NXT2: variants seen among roughly 807,000 people sequenced by gnomAD.
NXT2 encodes nuclear transport factor 2 like export factor 2.
NXT2 carries 1 observed loss-of-function variant against 9.6 expected under a neutral mutation model. That is an observed-to-expected ratio of 0.10 (90% confidence interval 0.04 to 0.49). The LOEUF is 0.49. NXT2 is among the 20% of genes least tolerant of loss of function. The pLI is 0.95. For synonymous variants in NXT2, 22 were observed against 35.4 expected (o/e 0.62, Z 1.34); for missense variants, 48 against 100.3 (o/e 0.48, Z 2.23).
chrX:109,538,186 C>A, intron 2 of NXT2, 55 bp downstream of exon 2: 1 of 765,327 alleles, frequency 1.3e-6, no homozygotes, highest in Non-Finnish European at 1.9e-6. Context: ...TATTAAATAC[C>A]AGGTTGTGTC....
At position 109,542,819 on chromosome X, in the gene NXT2, C is replaced by T; in HGVS notation, c.*131C>T. Reference sequence around the variant, plus strand: ...CTTTAATATTTTCTATTCCTGTCAGCACCTTTTCTAGCAGCTGCCAGTTTG... The same window carrying T: ...CTTTAATATTTTCTATTCCTGTCAGTACCTTTTCTAGCAGCTGCCAGTTTG... On this transcript the variant is annotated 3_prime_UTR_variant, in exon 4 of 4. Coordinates refer to ENST00000372106, the MANE Select transcript of NXT2 (RefSeq NM_001242617.2). 1 of 513,185 alleles carries T rather than the reference C, an allele frequency of 1.9e-6. No homozygotes were observed. Among genetic ancestry groups the T allele is most frequent in the Non-Finnish European group, 3.0e-6 (1 of 329,600 alleles). 42.3% of individuals were successfully genotyped at this position (513,185 alleles called of 1,213,427 possible).
chrX:109,536,977 C>T lies in NXT2; in HGVS notation c.-30C>T. The T allele has an allele frequency of 8.3e-7, 1 of 1,211,980 alleles. No homozygotes were observed. Among genetic ancestry groups the T allele is most frequent in the Non-Finnish European group, 1.1e-6 (1 of 895,521 alleles). On this transcript the variant is annotated 5_prime_UTR_variant, in exon 1 of 4. Coordinates refer to ENST00000372106, the MANE Select transcript of NXT2 (RefSeq NM_001242617.2). Reference sequence around the variant, plus strand: ...ACGTGAGGAGGTAGTGACGCCGACACTGCCAGAACACACTGCTACAAGGTC... The same window carrying T: ...ACGTGAGGAGGTAGTGACGCCGACATTGCCAGAACACACTGCTACAAGGTC...
At chrX:109,541,331 T>G in intron 2 of NXT2, 144 bp from the exon 3 acceptor site, 3 of 437,590 alleles carry the variant, frequency 6.9e-6, no homozygotes, top group Non-Finnish European at 7.7e-6. Context: ...GGGTTTCCAG[T>G]GGAGATGGAG....
intron 1 of NXT2, 78 bp downstream of exon 1, chrX:109,537,099 C>T: frequency 1.7e-6 from 2 of 1,147,093 alleles, no homozygotes; most frequent in Non-Finnish European, 2.3e-6. Context: ...GGCGGTCTGG[C>T]TGCTGCTCAC....
In NXT2 at chrX:109,542,936, G is replaced by C; in HGVS notation, c.*248G>C. 1 of 224,576 alleles carries C rather than the reference G, an allele frequency of 4.5e-6. No individual in the cohort carries two copies. The highest frequency in any genetic ancestry group is 8.0e-6 in the Non-Finnish European group (1 of 125,210). The allele number at this position is 224,576 out of a possible 1,213,427, so 18.5% of individuals were successfully genotyped here. On this transcript the variant is annotated 3_prime_UTR_variant, in exon 4 of 4. Coordinates refer to ENST00000372106, the MANE Select transcript of NXT2 (RefSeq NM_001242617.2). ...ATTCTTATAATAATATTAAACACAT[G>C]ATCTTGGTACTAACATACTCACTGT...
intron 1 of NXT2, 123 bp from the exon 2 acceptor site, chrX:109,537,922 G>A (rs1933321848): frequency 1.2e-5 from 5 of 410,366 alleles, no homozygotes; most frequent in African/African-American, 5.0e-5. Flanking sequence ...TTATATGAAA[G>A]AATGTGGACT....
At chrX:109,541,379 G>A in intron 2 of NXT2, 96 bp from the exon 3 acceptor site, 3 of 802,034 alleles carry the variant, frequency 3.7e-6, no homozygotes, top group Non-Finnish European at 5.2e-6. Flanking sequence ...TACAAAAAAT[G>A]TTTATATACC....
intron 2 of NXT2, among the ~76,000 whole-genome samples, chrX:109,540,995 ATTCT>A (rs1476587082): frequency 2.7e-5 from 3 of 112,075 alleles, no homozygotes; most frequent in Non-Finnish European, 5.6e-5. Context: ...TAGTGAACTA[ATTCT>A]TTCTAACACA....
rs773158700 is a variant in NXT2, at chrX:109,539,659, ACTT to A, written c.102+1535_102+1537del. 3.6e-5 allele frequency among the ~76,000 whole-genome samples: 4 copies of A among 110,237 alleles called. No individual in the cohort carries two copies. In the East Asian group the frequency reaches 8.5e-4, roughly 23 times the overall value. On this transcript the variant is annotated intron_variant, in intron 2 of 3. Transcript: ENST00000372106. ...GGATTTTTTCATATGTTTGCTGGCC[ACTT>A]CTTCTTTTGAGAAGTGTCTGTTCAT...
At chrX:109,538,474 C>T (rs1933335954) in intron 2 of NXT2, among the ~76,000 whole-genome samples, 2 of 111,439 alleles carry the variant, frequency 1.8e-5, no homozygotes, top group Non-Finnish European at 1.9e-5. Flanking sequence ...TTCTTAGTTC[C>T]ATCAATTAAC....
At chrX:109,540,402 A>T (rs1350966264) in intron 2 of NXT2, among the ~76,000 whole-genome samples, 3 of 110,151 alleles carry the variant, frequency 2.7e-5, no homozygotes, top group Non-Finnish European at 5.7e-5. Flanking sequence ...ATCTTGGCTA[A>T]CTGCAACCTC....
intron 2 of NXT2, 132 bp downstream of exon 2, chrX:109,538,263 C>T (rs1464948215): frequency 4.8e-6 from 2 of 415,294 alleles, no homozygotes; most frequent in Non-Finnish European, 8.1e-6. Context: ...AAGCAAATTG[C>T]TCAGGGAAGG....
chrX:109,537,329 C>T (rs1031779288), intron 1 of NXT2: 51 of 881,244 alleles, frequency 5.8e-5, no homozygotes, highest in Non-Finnish European at 6.8e-5. Flanking sequence ...CTAAAAATCA[C>T]TTTCAGTCAC....
At chrX:109,541,098 TAATTACA>T (rs1225679514) in intron 2 of NXT2, among the ~76,000 whole-genome samples, 1 of 112,106 alleles carries the variant, frequency 8.9e-6, no homozygotes, top group Non-Finnish European at 1.9e-5. Flanking sequence ...TTAATTCTCA[TAATTACA>T]AAAGGAAGAC....
chrX:109,539,118 A>G (rs1933356513), intron 2 of NXT2, among the ~76,000 whole-genome samples: 1 of 111,356 alleles, frequency 9.0e-6, no homozygotes, highest in African/African-American at 3.3e-5. Flanking sequence ...TGAAAACATA[A>G]CTGTGTTTGG....
At position 109,536,947 on chromosome X, in the gene NXT2, C is replaced by G; in HGVS notation, c.-60C>G. On this transcript the variant is annotated 5_prime_UTR_variant, in exon 1 of 4. Transcript: ENST00000372106. Reference sequence around the variant, plus strand: ...TTGATCATTCCGCAGCCCTGCGGACCGGACACGTGAGGAGGTAGTGACGCC... The same window carrying G: ...TTGATCATTCCGCAGCCCTGCGGACGGGACACGTGAGGAGGTAGTGACGCC... 8.3e-7 allele frequency: 1 copy of G among 1,211,333 alleles called. No individual in the cohort carries two copies. The highest frequency in any genetic ancestry group is 1.7e-5 in the African/African-American group (1 of 57,768).
At chrX:109,537,430 C>T in intron 1 of NXT2, 2 of 697,249 alleles carry the variant, frequency 2.9e-6, no homozygotes, top group Non-Finnish European at 3.4e-6. Flanking sequence ...CTTAATTCTC[C>T]GGCACGAACG....
chrX:109,537,381 T>C, intron 1 of NXT2: 1 of 809,567 alleles, frequency 1.2e-6, no homozygotes, highest in Non-Finnish European at 1.5e-6. Flanking sequence ...AATTTAGTAA[T>C]AGACTGGGCC....
At chrX:109,538,269 G>T (rs1253297666) in intron 2 of NXT2, 138 bp downstream of exon 2, 4 of 403,907 alleles carry the variant, frequency 9.9e-6, no homozygotes, top group Non-Finnish European at 1.7e-5. Context: ...ATTGCTCAGG[G>T]AAGGATTGGT....
Sources: allele counts gnomAD v4.1 joint callset (sites outside exome capture counted in the v4.1 genomes callset), GRCh38; gene constraint gnomAD v4.1.1; transcripts MANE v1.5; gene names NCBI Gene and HGNC (gene_info 2026-07-23, HGNC 2026-07-21).